Variants in MMP16 observed in about 807,000 individuals in gnomAD.
MMP16 encodes matrix metalloproteinase-16.
A neutral mutation model predicts 67.8 loss-of-function variants in MMP16; 12 were observed. The observed-to-expected ratio is 0.18, with a 90% CI of 0.11 to 0.29. The LOEUF (loss-of-function observed/expected upper bound fraction) is 0.29, where lower values mean the gene tolerates loss of function less well. Among genes scored for constraint, MMP16 ranks in the 10% least tolerant of loss-of-function variants. The pLI is 1.00. For synonymous variants in MMP16, 249 were observed against 255.9 expected, an observed-to-expected ratio of 0.97 and a Z score of 0.26; for missense variants, 475 against 765.7, an observed-to-expected ratio of 0.62 and a Z score of 4.48.
chr8:88,045,578 T>C (rs1363071417), intron 9 of MMP16, among the ~76,000 whole-genome samples: 6 of 152,194 alleles, frequency 3.9e-5, no homozygotes, highest in African/African-American at 1.4e-4. Context: ...GTCATCATTG[T>C]GGCCAGGCTG....
At chr8:88,080,727 C>T (rs1226259524) in intron 6 of MMP16, among the ~76,000 whole-genome samples, 8 of 152,110 alleles carry the variant, frequency 5.3e-5, no homozygotes, top group African/African-American at 1.7e-4. Context: ...TGAGCCACCG[C>T]GCCTGGCCAT....
At chr8:88,138,745 T>G (rs138695813) in intron 4 of MMP16, among the ~76,000 whole-genome samples, 11 of 152,222 alleles carry the variant, frequency 7.2e-5, no homozygotes, top group African/African-American at 2.6e-4. Context: ...TTGGTTCCTT[T>G]TTCACCAGGA....
intron 6 of MMP16, among the ~76,000 whole-genome samples, chr8:88,076,769 G>T (rs1180538466): frequency 1.3e-5 from 2 of 152,148 alleles, no homozygotes; most frequent in South Asian, 4.1e-4. Flanking sequence ...TTAAGTTATT[G>T]TAATGTATAT....
At position 88,316,580 on chromosome 8, in the gene MMP16, AAG is replaced by A. The variant is rs373877563; in HGVS notation, c.132+10493_132+10494del. ...CCACTGAGACTTACTGCTCAGGAAA[AAG>A]AGATTCCTTTCAAAATATTAATGCT... On this transcript the variant is annotated intron_variant, in intron 1 of 9. Transcript: ENST00000286614. 1.4e-3 allele frequency among the ~76,000 whole-genome samples: 213 copies of A among 152,264 alleles called. 1 individual carries two copies. Among genetic ancestry groups the A allele is most frequent in the Middle Eastern group, 6.8e-3 (2 of 294 alleles).
chr8:88,181,224 A>G (rs1808975181), intron 3 of MMP16, among the ~76,000 whole-genome samples: 1 of 152,148 alleles, frequency 6.6e-6, no homozygotes, highest in Admixed American at 6.5e-5. Flanking sequence ...GAGACAGATT[A>G]GGAAGAAAAA....
At chr8:88,169,335 G>C (rs1179070929) in intron 3 of MMP16, among the ~76,000 whole-genome samples, 6 of 152,056 alleles carry the variant, frequency 3.9e-5, no homozygotes, top group Admixed American at 3.3e-4. Flanking sequence ...AGTATTAATT[G>C]AGCATTTACT....
At chr8:88,160,306 AT>A (rs1262470503) in intron 4 of MMP16, among the ~76,000 whole-genome samples, 1 of 151,870 alleles carries the variant, frequency 6.6e-6, no homozygotes, top group African/African-American at 2.4e-5. Context: ...TGAACTCATC[AT>A]TTTTTATGGC....
chr8:88,087,841 G>C (rs1013869896), intron 6 of MMP16, among the ~76,000 whole-genome samples: 1 of 151,422 alleles, frequency 6.6e-6, no homozygotes, highest in Non-Finnish European at 1.5e-5. Context: ...CTACTTGGAA[G>C]GCTGTGATGG....
At position 88,040,131 on chromosome 8, in the gene MMP16, A is replaced by G. The variant is rs1443195162; in HGVS notation, c.*1330T>C. On this transcript the variant is annotated 3_prime_UTR_variant, in exon 10 of 10. Coordinates refer to ENST00000286614, the MANE Select transcript of MMP16 (RefSeq NM_005941.5). ...ATGGATTTTAAAACAGAAATTCAGT[A>G]TGCCTAAAAAAAAGAAAAGAAGACT... 6.6e-6 allele frequency: 1 copy of G among 152,642 alleles called. No homozygotes were observed. Among genetic ancestry groups the G allele is most frequent in the African/African-American group, 2.4e-5 (1 of 41,458 alleles). 9.5% of individuals were successfully genotyped at this position (152,642 alleles called of 1,614,324 possible).
Position 88,222,817 on chromosome 8 carries a change from A to T in MMP16, c.133-25511T>A, listed in dbSNP as rs193133737. Among the ~76,000 whole-genome samples, 459 of 152,340 alleles carry T rather than the reference A, an allele frequency of 3.0e-3. 1 individual carries two copies. The highest frequency in any genetic ancestry group is 0.011 in the African/African-American group (438 of 41,590). ...CTTCATGTCTAAAACACCAAAAGCA[A>T]TGGCAACAAAAGCCAAAACAGACAA... is the stretch of plus-strand genomic sequence containing the variant. On this transcript the variant is annotated intron_variant, in intron 1 of 9. Coordinates refer to ENST00000286614, the MANE Select transcript of MMP16 (RefSeq NM_005941.5).
intron 4 of MMP16, among the ~76,000 whole-genome samples, chr8:88,148,977 A>G (rs1808345007): frequency 6.6e-6 from 1 of 152,218 alleles, no homozygotes; most frequent in Admixed American, 6.5e-5. Flanking sequence ...GGAGTGCCAG[A>G]CAGTGGGCGC....
At chr8:88,285,540 C>G (rs1810816284) in intron 1 of MMP16, among the ~76,000 whole-genome samples, 1 of 152,172 alleles carries the variant, frequency 6.6e-6, no homozygotes, top group Non-Finnish European at 1.5e-5. Context: ...AAGTATCACA[C>G]TCACTATAAA....
chr8:88,119,687 A>G (rs1350082252), intron 4 of MMP16, among the ~76,000 whole-genome samples: 1 of 151,974 alleles, frequency 6.6e-6, no homozygotes, highest in Non-Finnish European at 1.5e-5. Flanking sequence ...CATCATAACC[A>G]TATGCATTAT....
intron 4 of MMP16, among the ~76,000 whole-genome samples, chr8:88,123,733 C>T (rs1807879723): frequency 1.3e-5 from 2 of 151,866 alleles, no homozygotes; most frequent in South Asian, 2.1e-4. Flanking sequence ...TTGGTATTTA[C>T]ATCCTGGGGG....
chr8:88,246,657 A>G (rs1375589464), intron 1 of MMP16, among the ~76,000 whole-genome samples: 1 of 152,146 alleles, frequency 6.6e-6, no homozygotes, highest in East Asian at 1.9e-4. Context: ...AGAATTAGTC[A>G]TGTACTCCAG....
chr8:88,054,666 AG>A (rs1279082685), intron 8 of MMP16, among the ~76,000 whole-genome samples: 1 of 152,244 alleles, frequency 6.6e-6, no homozygotes, highest in Non-Finnish European at 1.5e-5. Flanking sequence ...GGAAAAATAT[AG>A]GAATATTGCA....
intron 1 of MMP16, among the ~76,000 whole-genome samples, chr8:88,300,772 C>T (rs898125020): frequency 4.6e-5 from 7 of 152,076 alleles, no homozygotes; most frequent in African/African-American, 1.7e-4. Context: ...TTCTCACTGT[C>T]TGAAAGAGAG....
intron 1 of MMP16, among the ~76,000 whole-genome samples, chr8:88,297,276 G>A (rs1344863405): frequency 6.6e-6 from 1 of 152,152 alleles, no homozygotes; most frequent in Non-Finnish European, 1.5e-5. Flanking sequence ...GGAAGAAAGA[G>A]CAGAGTGCTC....
chr8:88,112,081 C>T (rs1205360036), intron 6 of MMP16, among the ~76,000 whole-genome samples: 1 of 151,688 alleles, frequency 6.6e-6, no homozygotes, highest in Non-Finnish European at 1.5e-5. Context: ...GAATACTGTT[C>T]CACGACAGCT....
Sources: gnomAD v4.1 joint callset for allele counts (sites outside exome capture counted in the v4.1 genomes callset) on GRCh38, gnomAD v4.1.1 for gene constraint, MANE v1.5 for transcripts, NCBI Gene and HGNC (gene_info 2026-07-23, HGNC 2026-07-21) for gene names.